The following SYN1 variants were observed in gnomAD, a reference collection of about 807,000 sequenced individuals.
The protein encoded by SYN1 is synapsin I, also known as synapsin-1.
Under a neutral mutation model 44.6 loss-of-function variants are expected in SYN1, and 8 were observed. That is an observed-to-expected ratio of 0.18 (90% CI 0.11 to 0.32). The LOEUF is 0.32. Among genes scored for constraint, SYN1 ranks in the 10% least tolerant of loss-of-function variants. The pLI, the probability that SYN1 is intolerant of heterozygous loss-of-function variation, is 1.00. For synonymous variants in SYN1, 275 were observed against 280.1 expected, an observed-to-expected ratio of 0.98 and a Z score of 0.18; for missense variants, 451 against 639.4, an observed-to-expected ratio of 0.71 and a Z score of 3.18.
chrX:47,595,656 T>C (rs2057861798), intron 5 of SYN1, among the ~76,000 whole-genome samples: 1 of 112,015 alleles, frequency 8.9e-6, no homozygotes, highest in African/African-American at 3.2e-5. Flanking sequence ...TATATATATA[T>C]ACATAAAGAA....
Position 47,605,327 on chromosome X carries a change from G to C in SYN1, c.580C>G (p.Arg194Gly). 8.3e-7 allele frequency: 1 copy of C among 1,211,203 alleles called. No homozygotes were observed. Among genetic ancestry groups the C allele is most frequent in the Non-Finnish European group, 1.1e-6 (1 of 895,198 alleles). The change falls in exon 4 of 13, where the codon CGC becomes GGC. Residue 194 changes from arginine (R) to glycine (G), a missense_variant. Physicochemically the swap from Arg to Gly is moderately radical, Grantham distance 125. Coordinates refer to ENST00000295987, the MANE Select transcript of SYN1 (RefSeq NM_006950.3). ...LIRQHAFSMA[R>G]NGDYRSLVIG... ...ACCAAACTGCGGTAGTCTCCGTTGC[G>C]TGCCATGCTGAAGGCGTGCTGGCGG...
At chrX:47,606,751 A>AT (rs4066713) in intron 3 of SYN1, among the ~76,000 whole-genome samples, 194 bp downstream of exon 3, 230 of 93,238 alleles carry the variant, frequency 2.5e-3, no homozygotes, top group African/African-American at 4.3e-3. Flanking sequence ...ATATATATAT[A>AT]TTTTTTTTTA....
At chrX:47,598,918 G>A (rs1229576926) in intron 5 of SYN1, among the ~76,000 whole-genome samples, 1 of 111,204 alleles carries the variant, frequency 9.0e-6, no homozygotes, top group African/African-American at 3.3e-5. Context: ...CTATTCAGGA[G>A]GCTGAGGCAG....
chrX:47,610,040 G>T (rs1192680207), intron 1 of SYN1, among the ~76,000 whole-genome samples: 1 of 111,834 alleles, frequency 8.9e-6, no homozygotes, highest in Non-Finnish European at 1.9e-5. Context: ...TTGAGTAGCT[G>T]AAGAAAGACC....
rs768082237 is a variant in SYN1, at chrX:47,585,297, G to A, written c.775-7796C>T. The A allele has an allele frequency of 6.9e-5, 84 of 1,210,011 alleles. 1 individual carries two copies. In the South Asian group the frequency reaches 1.4e-3, roughly 21 times the overall value. The stretch of plus-strand genomic sequence containing the variant: ...AGAGTGTCTGCGGATACTTCCACAG[G>A]TCCCACAACCGCAGCGAGGAGTTTC... On this transcript the variant is annotated intron_variant, in intron 5 of 12. Transcript: ENST00000295987.
chrX:47,618,140 C>T (rs1392315927), intron 1 of SYN1, among the ~76,000 whole-genome samples: 1 of 112,317 alleles, frequency 8.9e-6, no homozygotes, highest in Non-Finnish European at 1.9e-5. Flanking sequence ...GAATGGTACA[C>T]ACAGCAAGTG....
rs1431429561 is a variant in SYN1 at position 47,619,707 on chromosome X, G to A, written c.22C>T (p.Leu8=). 8.5e-7 allele frequency: 1 copy of A among 1,171,478 alleles called. No homozygotes were observed. The highest frequency in any genetic ancestry group is 1.9e-5 in the South Asian group (1 of 52,970). MNYLRRR[L]SDSNFMANLP... The stretch of plus-strand genomic sequence containing the variant: ...TTGGCCATAAAGTTGCTGTCCGACA[G>A]GCGGCGCCGCAGGTAGTTCATGGCT... Residue 8 remains leucine, a synonymous_variant, in exon 1 of 13, where the codon CTG becomes TTG. Coordinates refer to ENST00000295987, the MANE Select transcript of SYN1 (RefSeq NM_006950.3).
rs201236500 is a variant in SYN1, at chrX:47,574,013, G to A, written c.1971C>T (p.His657=). 6.8e-5 allele frequency: 78 copies of A among 1,144,075 alleles called. No homozygotes were observed. Among genetic ancestry groups the A allele is most frequent in the Non-Finnish European group, 9.0e-5 (78 of 867,413 alleles). 94.3% of individuals were successfully genotyped at this position (1,144,075 alleles called of 1,213,427 possible). A position where few individuals can be genotyped will look rare whatever the true frequency, so the allele number is the denominator to read the frequency against. ...PATAAAGGPP[H]PQLNKSQSLT... ...AGGGGTCCCCTTACTTGAGCTGGGG[G>A]TGCGGAGGTCCCCCTGCAGCGGCGG... Residue 657 remains histidine, a synonymous_variant, in exon 12 of 13, where the codon CAC becomes CAT. Coordinates refer to ENST00000295987, the MANE Select transcript of SYN1 (RefSeq NM_006950.3).
rs938430389 is a variant in SYN1 at position 47,605,083 on chromosome X, G to A, written c.685-16C>T. On this transcript the variant is annotated splice_polypyrimidine_tract_variant and intron_variant, in intron 4 of 12. Coordinates refer to ENST00000295987, the MANE Select transcript of SYN1 (RefSeq NM_006950.3). ...TCTGGGCAAACTATGAGAACCAGGA[G>A]AGCTGGGTCAGTGAGTCCTTCACCA... 5.8e-6 allele frequency: 7 copies of A among 1,205,013 alleles called. No individual in the cohort carries two copies. The highest frequency in any genetic ancestry group is 5.3e-5 in the African/African-American group (3 of 57,032).
At chrX:47,585,315 G>A (rs1474205756) in intron 5 of SYN1, 3 of 1,210,211 alleles carry the variant, frequency 2.5e-6, no homozygotes, top group Non-Finnish European at 3.4e-6. Flanking sequence ...ACCGCAGCGA[G>A]GAGTTTCTCA....
chrX:47,586,879 C>A, intron 5 of SYN1: 1 of 496,485 alleles, frequency 2.0e-6, no homozygotes, highest in Non-Finnish European at 3.2e-6. Flanking sequence ...TGAGGGATGC[C>A]AAATGTTGGG....
At chrX:47,619,274 G>A (rs2057940123) in intron 1 of SYN1, 78 bp downstream of exon 1, 1 of 1,176,871 alleles carries the variant, frequency 8.5e-7, no homozygotes, top group Admixed American at 2.3e-5. Flanking sequence ...CACACAAGCG[G>A]CGCTCGATAA....
rs149756342 is a variant in SYN1 at position 47,616,420 on chromosome X, G to C, written c.377+2932C>G. On this transcript the variant is annotated intron_variant, in intron 1 of 12. Coordinates refer to ENST00000295987, the MANE Select transcript of SYN1 (RefSeq NM_006950.3). ...ATTTGTGATTATGGAAAGGGGAAGG[G>C]ACTTGTCAGTATTCCATAGATAATA... is the stretch of plus-strand genomic sequence containing the variant. Among the ~76,000 whole-genome samples, 468 of 111,756 alleles carry C rather than the reference G, an allele frequency of 4.2e-3. 1 individual carries two copies. Among genetic ancestry groups the C allele is most frequent in the Non-Finnish European group, 7.2e-3 (383 of 53,173 alleles).
At chrX:47,608,704 C>T (rs2057907519) in intron 1 of SYN1, among the ~76,000 whole-genome samples, 1 of 109,884 alleles carries the variant, frequency 9.1e-6, no homozygotes, top group African/African-American at 3.3e-5. Context: ...CCGGGCCCGT[C>T]CCCAGCTGGG....
chrX:47,591,184 C>T (rs2057846685), intron 5 of SYN1, among the ~76,000 whole-genome samples: 1 of 112,866 alleles, frequency 8.9e-6, no homozygotes, highest in African/African-American at 3.2e-5. Flanking sequence ...CAGGCTCTGC[C>T]TGCATGTTCC....
At chrX:47,600,593 T>C (rs777683925) in intron 5 of SYN1, among the ~76,000 whole-genome samples, 12 of 112,175 alleles carry the variant, frequency 1.1e-4, no homozygotes, top group African/African-American at 3.6e-4. Flanking sequence ...ACATTCTTCT[T>C]CAGTGCACAT....
chrX:47,607,707 C>G (rs1161954098), intron 1 of SYN1, among the ~76,000 whole-genome samples: 5 of 89,116 alleles, frequency 5.6e-5, no homozygotes, highest in African/African-American at 2.2e-4. Flanking sequence ...AGAGAGACCC[C>G]CATCTCTACA....
Position 47,579,068 on chromosome X carries a change from C to A in SYN1, c.775-1567G>T, listed in dbSNP as rs13440825. Reference sequence around the variant, plus strand: ...ATAATGCACTCAGTTACATATGCAACCCAGATCCGCTTTGCCGAGGCTGGT... The same window carrying A: ...ATAATGCACTCAGTTACATATGCAAACCAGATCCGCTTTGCCGAGGCTGGT... On this transcript the variant is annotated intron_variant, in intron 5 of 12. Transcript: ENST00000295987. Among the ~76,000 whole-genome samples the A allele has an allele frequency of 8.8e-3, 981 of 111,574 alleles. 13 individuals carry two copies. The highest frequency in any genetic ancestry group is 0.03 in the African/African-American group (918 of 30,631).
chrX:47,612,273 G>A (rs775777051), intron 1 of SYN1, among the ~76,000 whole-genome samples: 16 of 110,953 alleles, frequency 1.4e-4, no homozygotes, highest in Non-Finnish European at 2.5e-4. Context: ...CCCTGATAGA[G>A]ACAGAATGCT....
Sources: gnomAD v4.1 joint callset for allele counts (sites outside exome capture counted in the v4.1 genomes callset) on GRCh38, gnomAD v4.1.1 for gene constraint, MANE v1.5 for transcripts, NCBI Gene and HGNC (gene_info 2026-07-23, HGNC 2026-07-21) for gene names.